COX7B2: variants seen among roughly 807,000 people sequenced by gnomAD.
The protein encoded by COX7B2 is cytochrome c oxidase subunit 7B2, mitochondrial.
For synonymous variants in COX7B2, 37 were observed against 32.1 expected (o/e 1.15, Z -0.51); for missense variants, 109 against 95.9 (o/e 1.14, Z -0.57).
intron 2 of COX7B2, among the ~76,000 whole-genome samples, chr4:46,754,679 T>C (rs1393625809): frequency 7.4e-6 from 1 of 135,346 alleles, no homozygotes; most frequent in Non-Finnish European, 1.6e-5. Context: ...ACCCTAGAAC[T>C]TAAAGTACAA....
chr4:46,810,970 T>C (rs1001472995), intron 2 of COX7B2, among the ~76,000 whole-genome samples: 1 of 152,176 alleles, frequency 6.6e-6, no homozygotes, highest in African/African-American at 2.4e-5. Flanking sequence ...ACAATATAAT[T>C]CCATTCTCTC....
intron 1 of COX7B2, among the ~76,000 whole-genome samples, chr4:46,877,685 T>C (rs1229245909): frequency 6.6e-6 from 1 of 152,132 alleles, no homozygotes; most frequent in African/African-American, 2.4e-5. Context: ...TACCACCCCA[T>C]ACCTGTTAGA....
intron 1 of COX7B2, among the ~76,000 whole-genome samples, chr4:46,853,783 C>T (rs1577659381): frequency 6.6e-6 from 1 of 151,850 alleles, no homozygotes; most frequent in African/African-American, 2.4e-5. Flanking sequence ...GAGATATATC[C>T]ATAGAATTGT....
chr4:46,893,574 A>G (rs1719573215), intron 1 of COX7B2, among the ~76,000 whole-genome samples: 1 of 152,194 alleles, frequency 6.6e-6, no homozygotes, highest in Non-Finnish European at 1.5e-5. Flanking sequence ...CAGCTATTGC[A>G]TCAATGAGGG....
chr4:46,869,994 TC>T, intron 1 of COX7B2, among the ~76,000 whole-genome samples: 1 of 152,254 alleles, frequency 6.6e-6, no homozygotes, highest in East Asian at 1.9e-4. Flanking sequence ...TTTCTCCTCC[TC>T]CCTTTCAGAG....
chr4:46,812,520 G>A (rs182138389), intron 2 of COX7B2, among the ~76,000 whole-genome samples: 157 of 152,268 alleles, frequency 1.0e-3, no homozygotes, highest in African/African-American at 3.6e-3. Context: ...GGAAATGATA[G>A]GACATAGGAG....
At chr4:46,818,603 C>A (rs1714022141) in intron 2 of COX7B2, among the ~76,000 whole-genome samples, 1 of 151,352 alleles carries the variant, frequency 6.6e-6, no homozygotes, top group African/African-American at 2.4e-5. Context: ...AGCCACTGCA[C>A]TCCAGCCTGG....
intron 2 of COX7B2, among the ~76,000 whole-genome samples, chr4:46,794,786 G>A (rs1417481227): frequency 1.3e-5 from 2 of 152,264 alleles, no homozygotes; most frequent in East Asian, 3.9e-4. Context: ...TTGGCTAAAT[G>A]ACTACGGTGC....
intron 1 of COX7B2, chr4:46,904,106 G>T (rs1413065379): frequency 6.6e-6 from 1 of 152,064 alleles, no homozygotes; most frequent in African/African-American, 2.4e-5. Flanking sequence ...CAAAGGGAAA[G>T]AAATATGAAA....
At chr4:46,820,026 G>T (rs146090560) in intron 2 of COX7B2, among the ~76,000 whole-genome samples, 2 of 152,192 alleles carry the variant, frequency 1.3e-5, no homozygotes, top group East Asian at 3.8e-4. Flanking sequence ...AACCGGTTTC[G>T]TGGAAAACAA....
intron 1 of COX7B2, among the ~76,000 whole-genome samples, chr4:46,888,428 A>C (rs1048652105): frequency 2.6e-5 from 4 of 151,422 alleles, no homozygotes; most frequent in South Asian, 2.1e-4. Context: ...ACAGGGGCAG[A>C]TTATGTTTCT....
chr4:46,786,449 T>C (rs1717757232), intron 2 of COX7B2, among the ~76,000 whole-genome samples: 1 of 152,244 alleles, frequency 6.6e-6, no homozygotes, highest in Non-Finnish European at 1.5e-5. Flanking sequence ...GGCACAAATG[T>C]AGCTAAATAT....
chr4:46,820,989 T>A (rs1327874962), intron 2 of COX7B2, among the ~76,000 whole-genome samples: 1 of 151,980 alleles, frequency 6.6e-6, no homozygotes. Flanking sequence ...AACCTGAGAA[T>A]CTGAATTTTA....
At chr4:46,857,767 A>C (rs1377959827) in intron 1 of COX7B2, among the ~76,000 whole-genome samples, 1 of 152,214 alleles carries the variant, frequency 6.6e-6, no homozygotes, top group Non-Finnish European at 1.5e-5. Context: ...AATGTATGCA[A>C]TACTAAAGTT....
At position 46,778,399 on chromosome 4, in the gene COX7B2, ACTCT is replaced by A. The variant is rs768736754; in HGVS notation, c.-49-43162_-49-43159del. On this transcript the variant is annotated intron_variant, in intron 2 of 2. Transcript: ENST00000355591. ...GTCAGCAAACCAGGTTATCATCTGA[ACTCT>A]CTCTGTTATTGGTATTTTCTTATGG... is the stretch of plus-strand genomic sequence containing the variant. 3.3e-5 allele frequency among the ~76,000 whole-genome samples: 5 copies of A among 152,050 alleles called. No individual in the cohort carries two copies. The East Asian group carries it at 5.8e-4, about 18-fold the overall frequency.
intron 2 of COX7B2, among the ~76,000 whole-genome samples, chr4:46,805,300 A>G (rs1329368042): frequency 6.6e-6 from 1 of 152,226 alleles, no homozygotes; most frequent in Admixed American, 6.5e-5. Flanking sequence ...AAGGCCGAGG[A>G]GGTGCCGAGA....
At chr4:46,865,797 A>C (rs754462948) in intron 1 of COX7B2, among the ~76,000 whole-genome samples, 1 of 152,186 alleles carries the variant, frequency 6.6e-6, no homozygotes, top group Non-Finnish European at 1.5e-5. Context: ...TGTCATCAAC[A>C]TCCCCAGGAT....
chr4:46,807,381 A>G (rs1003140302), intron 2 of COX7B2, among the ~76,000 whole-genome samples: 3 of 151,922 alleles, frequency 2.0e-5, no homozygotes, highest in Non-Finnish European at 4.4e-5. Context: ...CTACTGAGTG[A>G]TATCAGTTTT....
chr4:46,810,256 T>A (rs1277441562), intron 2 of COX7B2, among the ~76,000 whole-genome samples: 1 of 152,028 alleles, frequency 6.6e-6, no homozygotes, highest in Non-Finnish European at 1.5e-5. Flanking sequence ...TTGAATGTGA[T>A]CAATTTACAT....
Sources: allele counts gnomAD v4.1 joint callset (sites outside exome capture counted in the v4.1 genomes callset), GRCh38; gene constraint gnomAD v4.1.1; transcripts MANE v1.5; gene names NCBI Gene and HGNC (gene_info 2026-07-23, HGNC 2026-07-21).